Variants in UBE2E2 observed in about 807,000 individuals in gnomAD.
The protein encoded by UBE2E2 is ubiquitin conjugating enzyme E2 E2.
UBE2E2 carries 6 observed loss-of-function variants against 24.7 expected under a neutral mutation model. The ratio of observed to expected loss-of-function variants is 0.24; its 90% CI spans 0.13 to 0.48. UBE2E2 has a LOEUF of 0.48. Among genes scored for constraint, UBE2E2 ranks in the 20% least tolerant of loss-of-function variants. The pLI is 0.99. For missense variants in UBE2E2, 169 were observed against 245.0 expected (o/e 0.69, Z 2.07); for synonymous variants, 104 against 83.6 (o/e 1.24, Z -1.33).
chr3:23,536,072 C>T (rs1695256484), intron 5 of UBE2E2, among the ~76,000 whole-genome samples: 1 of 152,154 alleles, frequency 6.6e-6, no homozygotes, highest in Non-Finnish European at 1.5e-5. Context: ...CTTCTGGAGT[C>T]ATTATTTAAC....
At chr3:23,578,329 G>A (rs932119205) in intron 5 of UBE2E2, among the ~76,000 whole-genome samples, 7 of 152,216 alleles carry the variant, frequency 4.6e-5, no homozygotes, top group African/African-American at 1.7e-4. Flanking sequence ...TTACACTGTG[G>A]ATGGGAGTAT....
chr3:23,449,726 G>C (rs1189922797), intron 3 of UBE2E2: 2 of 391,022 alleles, frequency 5.1e-6, no homozygotes, highest in Non-Finnish European at 7.0e-6. Context: ...TGATTCATCA[G>C]TTCTAAAAAC....
intron 3 of UBE2E2, among the ~76,000 whole-genome samples, chr3:23,301,795 T>TA (rs1289817030): frequency 6.8e-6 from 1 of 147,322 alleles, no homozygotes; most frequent in Non-Finnish European, 1.5e-5. Flanking sequence ...GGAGAACCAC[T>TA]ACTGTCTTCA....
chr3:23,315,414 C>G (rs975399273), intron 3 of UBE2E2, among the ~76,000 whole-genome samples: 2 of 151,258 alleles, frequency 1.3e-5, no homozygotes, highest in African/African-American at 4.9e-5. Flanking sequence ...GAGACTGATA[C>G]ATTCTTCAGT....
At chr3:23,486,019 G>A (rs913376192) in intron 3 of UBE2E2, among the ~76,000 whole-genome samples, 1 of 152,118 alleles carries the variant, frequency 6.6e-6, no homozygotes, top group African/African-American at 2.4e-5. Flanking sequence ...GACCAGCAGC[G>A]CCTCTGCTTG....
At chr3:23,422,444 A>G (rs866087024) in intron 3 of UBE2E2, among the ~76,000 whole-genome samples, 22 of 152,262 alleles carry the variant, frequency 1.4e-4, no homozygotes, top group Middle Eastern at 6.8e-3. Flanking sequence ...CAGGACTACT[A>G]TTTTTCAAGA....
At chr3:23,459,191 TC>T (rs1045419887) in intron 3 of UBE2E2, among the ~76,000 whole-genome samples, 2 of 152,180 alleles carry the variant, frequency 1.3e-5, no homozygotes, top group African/African-American at 4.8e-5. Context: ...AGCAAATCTA[TC>T]CATGGAAAAT....
At chr3:23,487,414 G>A (rs940069036) in intron 3 of UBE2E2, among the ~76,000 whole-genome samples, 1 of 152,120 alleles carries the variant, frequency 6.6e-6, no homozygotes, top group African/African-American at 2.4e-5. Flanking sequence ...AGGGTCCGGG[G>A]CTCCCACTGG....
At chr3:23,561,272 T>A (rs1695923205) in intron 5 of UBE2E2, among the ~76,000 whole-genome samples, 1 of 152,250 alleles carries the variant, frequency 6.6e-6, no homozygotes, top group African/African-American at 2.4e-5. Context: ...AGGGATCCAG[T>A]TTCAGCTTTC....
intron 3 of UBE2E2, among the ~76,000 whole-genome samples, chr3:23,246,867 C>G (rs1443552862): frequency 2.0e-5 from 3 of 152,048 alleles, no homozygotes; most frequent in Non-Finnish European, 4.4e-5. Context: ...AAATTAAAAA[C>G]CACAATGTAG....
At chr3:23,546,406 C>T (rs1167064625) in intron 5 of UBE2E2, among the ~76,000 whole-genome samples, 1 of 147,820 alleles carries the variant, frequency 6.8e-6, no homozygotes, top group African/African-American at 2.5e-5. Flanking sequence ...AGAAATGATT[C>T]AGAGTTTCTT....
intron 5 of UBE2E2, among the ~76,000 whole-genome samples, chr3:23,535,304 T>C (rs1225310975): frequency 6.6e-6 from 1 of 152,208 alleles, no homozygotes; most frequent in Non-Finnish European, 1.5e-5. Flanking sequence ...CCAGAGTATT[T>C]GGGACACCAA....
chr3:23,579,752 A>G (rs1696434011), intron 5 of UBE2E2, among the ~76,000 whole-genome samples: 1 of 152,178 alleles, frequency 6.6e-6, no homozygotes, highest in Non-Finnish European at 1.5e-5. Flanking sequence ...GTTTCCATAG[A>G]TGGCGATTCT....
rs193109845 is a variant in UBE2E2 at position 23,241,878 on chromosome 3, A to G, written c.227+24566A>G. Among the ~76,000 whole-genome samples, 15 of 152,200 alleles carry G rather than the reference A, an allele frequency of 9.9e-5. No individual in the cohort carries two copies. The East Asian group carries it at 2.7e-3, about 27-fold the overall frequency. Reference sequence around the variant, plus strand: ...CTCAGAAGCCTGCCACATCTTCCCTATCATTTATACCTCTCCCCAAGCCTG... The same window carrying G: ...CTCAGAAGCCTGCCACATCTTCCCTGTCATTTATACCTCTCCCCAAGCCTG... On this transcript the variant is annotated intron_variant, in intron 3 of 5. Coordinates refer to ENST00000396703, the MANE Select transcript of UBE2E2 (RefSeq NM_152653.4).
At chr3:23,355,361 A>G (rs1321926198) in intron 3 of UBE2E2, among the ~76,000 whole-genome samples, 1 of 152,124 alleles carries the variant, frequency 6.6e-6, no homozygotes, top group East Asian at 1.9e-4. Context: ...TGTACCCTAA[A>G]ACTTAAAGTA....
At chr3:23,471,158 A>G (rs1315210448) in intron 3 of UBE2E2, among the ~76,000 whole-genome samples, 2 of 152,218 alleles carry the variant, frequency 1.3e-5, no homozygotes, top group Non-Finnish European at 2.9e-5. Flanking sequence ...TGTTTTCATT[A>G]GAAGGACAGC....
At chr3:23,268,860 G>T (rs1285157136) in intron 3 of UBE2E2, among the ~76,000 whole-genome samples, 1 of 152,040 alleles carries the variant, frequency 6.6e-6, no homozygotes, top group East Asian at 1.9e-4. Context: ...CAGAGATATA[G>T]ATCAATGGAA....
chr3:23,301,502 T>A (rs867562303), intron 3 of UBE2E2, among the ~76,000 whole-genome samples: 1 of 152,240 alleles, frequency 6.6e-6, no homozygotes, highest in Non-Finnish European at 1.5e-5. Context: ...CTTCTAACAG[T>A]CAGGACCCTC....
intron 3 of UBE2E2, among the ~76,000 whole-genome samples, chr3:23,447,693 A>C (rs1011658987): frequency 6.6e-6 from 1 of 152,182 alleles, no homozygotes; most frequent in Middle Eastern, 3.2e-3. Context: ...CTCAAGTGTG[A>C]TATATAGCAA....
Sources: allele counts gnomAD v4.1 joint callset (sites outside exome capture counted in the v4.1 genomes callset), GRCh38; gene constraint gnomAD v4.1.1; transcripts MANE v1.5; gene names NCBI Gene and HGNC (gene_info 2026-07-23, HGNC 2026-07-21).